The following HEATR5A variants were observed in gnomAD, a reference collection of about 807,000 sequenced individuals.
The protein encoded by HEATR5A is HEAT repeat-containing protein 5A.
In HEATR5A, 178 loss-of-function variants were observed where a neutral mutation model predicts 218.8. The ratio of observed to expected loss-of-function variants is 0.81; its 90% CI spans 0.72 to 0.92. HEATR5A has a LOEUF of 0.92. HEATR5A is among the 40% of genes least tolerant of loss of function. HEATR5A has a pLI of 0.00. For missense variants in HEATR5A, 2,420 were observed against 2,418.9 expected, an observed-to-expected ratio of 1.00 and a Z score of -0.01; for synonymous variants, 864 against 871.6, an observed-to-expected ratio of 0.99 and a Z score of 0.15.
rs1183546043 is a variant in HEATR5A, at chr14:31,293,034, G to T, written c.*271C>A. 2 of 343,932 alleles carry T rather than the reference G, an allele frequency of 5.8e-6. No homozygotes were observed. The highest frequency in any genetic ancestry group is 1.0e-5 in the Non-Finnish European group (2 of 191,560). The allele number at this position is 343,932 out of a possible 1,614,324, so 21.3% of individuals were successfully genotyped here. A position where few individuals can be genotyped will look rare whatever the true frequency, so the allele number is the denominator to read the frequency against. On this transcript the variant is annotated 3_prime_UTR_variant, in exon 36 of 36. Transcript: ENST00000543095. ...CATTTTTAAAGCAGTGGATTGTTTA[G>T]TAAGTTTAGTTCTTTAGCACTTTCT...
At chr14:31,392,495 T>C (rs981914268) in intron 6 of HEATR5A, among the ~76,000 whole-genome samples, 1 of 152,220 alleles carries the variant, frequency 6.6e-6, no homozygotes, top group African/African-American at 2.4e-5. Context: ...CTTGTGATCT[T>C]ATCCAATCTC....
intron 22 of HEATR5A, chr14:31,334,582 T>C (rs867129237): frequency 1.1e-5 from 4 of 378,482 alleles, no homozygotes; most frequent in African/African-American, 2.1e-5. Flanking sequence ...TCAAAAAGCA[T>C]TGCATGTTAC....
intron 1 of HEATR5A, among the ~76,000 whole-genome samples, chr14:31,405,995 T>C (rs956842239): frequency 6.6e-6 from 1 of 152,190 alleles, no homozygotes; most frequent in African/African-American, 2.4e-5. Flanking sequence ...ATGTTGGTAA[T>C]CTCGCATCTA....
At chr14:31,398,608 T>G (rs1239285741) in intron 4 of HEATR5A, 65 bp downstream of exon 4, 1 of 819,456 alleles carries the variant, frequency 1.2e-6, no homozygotes, top group Non-Finnish European at 1.9e-6. Context: ...TTTGATTTGC[T>G]CAGGAAAGCA....
intron 16 of HEATR5A, among the ~76,000 whole-genome samples, chr14:31,354,506 T>C (rs930262035): frequency 4.6e-5 from 7 of 152,306 alleles, no homozygotes; most frequent in South Asian, 2.1e-4. Flanking sequence ...CCAATTCCTA[T>C]AGAGATCTCA....
At position 31,303,790 on chromosome 14, in the gene HEATR5A, C is replaced by T. The variant is rs116419045; in HGVS notation, c.5239+1115G>A. On this transcript the variant is annotated intron_variant, in intron 32 of 35. Coordinates refer to ENST00000543095, the MANE Select transcript of HEATR5A (RefSeq NM_015473.4). Reference sequence around the variant, plus strand: ...ATAAGGGTCATTTCAGATCAAGTAACGACACGATAGCACAGAACAAGGATG... The same window carrying T: ...ATAAGGGTCATTTCAGATCAAGTAATGACACGATAGCACAGAACAAGGATG... Among the ~76,000 whole-genome samples the T allele has an allele frequency of 1.9e-3, 295 of 152,136 alleles. 2 individuals carry two copies. The highest frequency in any genetic ancestry group is 6.8e-3 in the African/African-American group (283 of 41,498).
rs756952404 is a variant in HEATR5A at position 31,302,305 on chromosome 14, A to G, written c.5454T>C (p.Cys1818=). Residue 1818 remains cysteine, a synonymous_variant, in exon 33 of 36, where the codon TGT becomes TGC. Transcript: ENST00000543095. ...AATAGCCTCAATTACCTGGATCCCAACAGTCAAGAATTGTTGTTAAGGCAC... is the reference window on the plus strand; with the variant it reads ...AATAGCCTCAATTACCTGGATCCCAGCAGTCAAGAATTGTTGTTAAGGCAC... ...LRSALTTILD[C]WDPVDETHQE... The G allele has an allele frequency of 8.2e-6, 13 of 1,591,696 alleles. No homozygotes were observed. Among genetic ancestry groups the G allele is most frequent in the South Asian group, 1.1e-5 (1 of 87,572 alleles).
At chr14:31,328,635 T>A (rs1330816481) in intron 22 of HEATR5A, among the ~76,000 whole-genome samples, 1 of 152,122 alleles carries the variant, frequency 6.6e-6, no homozygotes, top group African/African-American at 2.4e-5. Flanking sequence ...ATCCCAGCAC[T>A]TTGGGAGGCT....
At chr14:31,406,383 C>G (rs1323223229) in intron 1 of HEATR5A, among the ~76,000 whole-genome samples, 1 of 152,172 alleles carries the variant, frequency 6.6e-6, no homozygotes, top group African/African-American at 2.4e-5. Context: ...CTATATTTAA[C>G]AGAAGCAGCT....
intron 13 of HEATR5A, among the ~76,000 whole-genome samples, chr14:31,367,520 C>T (rs983888674): frequency 4.9e-4 from 74 of 151,080 alleles, no homozygotes; most frequent in African/African-American, 1.7e-3. Context: ...CTGCCTCCAC[C>T]TCCTGAGTAG....
In HEATR5A at chr14:31,305,011, T is replaced by TG; in HGVS notation, c.5132dup (p.Gly1712ArgfsTer16). 6.2e-7 allele frequency: 1 copy of TG among 1,613,998 alleles called. No individual in the cohort carries two copies. Among genetic ancestry groups the TG allele is most frequent in the Non-Finnish European group, 8.5e-7 (1 of 1,179,882 alleles). The stretch of plus-strand genomic sequence containing the variant: ...TCTGTGGCTTCGTAGCTTTTACTCC[T>TG]GGGCTACCTGTCAATTTAGGGTTTA... On this transcript the variant is annotated frameshift_variant, in exon 32 of 36. Coordinates refer to ENST00000543095, the MANE Select transcript of HEATR5A (RefSeq NM_015473.4). LOFTEE classifies it high-confidence loss of function.
intron 21 of HEATR5A, among the ~76,000 whole-genome samples, chr14:31,341,971 T>C (rs1051367784): frequency 1.3e-5 from 2 of 152,172 alleles, no homozygotes; most frequent in Non-Finnish European, 2.9e-5. Context: ...GAAGAGTCCC[T>C]GAATGGTACA....
At chr14:31,317,237 T>C (rs183709307) in intron 26 of HEATR5A, among the ~76,000 whole-genome samples, 10 of 151,576 alleles carry the variant, frequency 6.6e-5, no homozygotes, top group African/African-American at 2.4e-4. Context: ...ACTATGCTTA[T>C]AATTAATTTA....
At position 31,349,973 on chromosome 14, in the gene HEATR5A, C is replaced by A; in HGVS notation, c.2524G>T (p.Ala842Ser). The A allele has an allele frequency of 6.4e-7, 1 of 1,564,800 alleles. No homozygotes were observed. The part of the protein sequence containing the change: ...SSVSSFLKYV[A>S]GSKGCLGPEE... ...GGACCTAAACATCCCTTGGAGCCAG[C>A]CACGTACTGAAATATGTAAAGAACA... The change falls in exon 18 of 36, where the codon GCT (alanine) becomes TCT (serine). Residue 842 changes from alanine (A) to serine (S), a missense_variant. Physicochemically the swap from Ala to Ser is moderately conservative, Grantham distance 99 (BLOSUM62 1). Transcript: ENST00000543095.
chr14:31,301,808 CTTTTTTT>C (rs35947008), intron 33 of HEATR5A, among the ~76,000 whole-genome samples: 2 of 82,500 alleles, frequency 2.4e-5, no homozygotes, highest in African/African-American at 5.4e-5. Context: ...ACACAGCTTT[CTTTTTTT>C]TTTTTTTTTT....
At chr14:31,394,312 G>A (rs1303188002) in intron 5 of HEATR5A, 86 bp from the exon 6 acceptor site, 1 of 677,526 alleles carries the variant, frequency 1.5e-6, no homozygotes. Context: ...AACTATCAGC[G>A]TCTAACAAAT....
At position 31,306,174 on chromosome 14, in the gene HEATR5A, G is replaced by A. The variant is rs547632961; in HGVS notation, c.4966+558C>T. On this transcript the variant is annotated intron_variant, in intron 31 of 35. Coordinates refer to ENST00000543095, the MANE Select transcript of HEATR5A (RefSeq NM_015473.4). ...TCTAAACTAACATGTAGAGGTGAAT[G>A]AGAAGATTTAAAACCATGCCAGGCT... Among the ~76,000 whole-genome samples the A allele has an allele frequency of 2.2e-4, 34 of 152,224 alleles. No homozygotes were observed. The East Asian group carries it at 6.4e-3, about 29-fold the overall frequency.
chr14:31,387,190 A>G lies in HEATR5A; in HGVS notation c.1119T>C (p.Leu373=), dbSNP rs1566778247. Residue 373 remains leucine, a synonymous_variant, in exon 8 of 36, where the codon CTT becomes CTC. Transcript: ENST00000543095. ...FILRTTIGGL[L]GEKAQLAAVK... ...CAGCAGCAAGCTGAGCCTTTTCTCC[A>G]AGAAGACCACCTATAGTAGTTCGAA... is the stretch of plus-strand genomic sequence containing the variant. 6.5e-7 allele frequency: 1 copy of G among 1,532,110 alleles called. No individual in the cohort carries two copies. The highest frequency in any genetic ancestry group is 2.2e-5 in the East Asian group (1 of 44,880). 94.9% of individuals were successfully genotyped at this position (1,532,110 alleles called of 1,614,324 possible). A position where few individuals can be genotyped will look rare whatever the true frequency, so the allele number is the denominator to read the frequency against.
intron 9 of HEATR5A, among the ~76,000 whole-genome samples, chr14:31,384,333 A>T (rs1156805066): frequency 6.6e-6 from 1 of 151,822 alleles, no homozygotes; most frequent in African/African-American, 2.4e-5. Flanking sequence ...TGTCCCAGCT[A>T]CTAGGGAGGC....
Sources: allele counts gnomAD v4.1 joint callset (sites outside exome capture counted in the v4.1 genomes callset), GRCh38; gene constraint gnomAD v4.1.1; transcripts MANE v1.5; gene names NCBI Gene and HGNC (gene_info 2026-07-23, HGNC 2026-07-21).